Variants in FUT9 observed in about 807,000 individuals in gnomAD.
FUT9 encodes fucosyltransferase 9, also known as 4-galactosyl-N-acetylglucosaminide 3-alpha-L-fucosyltransferase 9.
Under a neutral mutation model 29.7 loss-of-function variants are expected in FUT9, and 15 were observed. That is an observed-to-expected ratio of 0.51 (90% CI 0.34 to 0.78). FUT9 has a LOEUF of 0.78. Among genes scored for constraint, FUT9 ranks in the 30% least tolerant of loss-of-function variants. FUT9 has a pLI of 0.01. For missense variants in FUT9, 319 were observed against 425.4 expected, an observed-to-expected ratio of 0.75 and a Z score of 2.20; for synonymous variants, 169 against 153.7, an observed-to-expected ratio of 1.10 and a Z score of -0.74.
intron 2 of FUT9, among the ~76,000 whole-genome samples, chr6:96,132,297 G>T (rs1481014310): frequency 9.5e-6 from 1 of 105,116 alleles, no homozygotes; most frequent in African/African-American, 3.5e-5. Context: ...AACAAAGGTT[G>T]AAAGAACATA....
intron 1 of FUT9, among the ~76,000 whole-genome samples, chr6:96,032,274 C>T (rs986192980): frequency 6.6e-6 from 1 of 151,624 alleles, no homozygotes; most frequent in African/African-American, 2.4e-5. Context: ...TGCTAGGAAG[C>T]TCAGTGTCAA....
intron 1 of FUT9, among the ~76,000 whole-genome samples, chr6:96,078,421 T>TGA (rs1189037251): frequency 2.0e-5 from 2 of 101,682 alleles, no homozygotes; most frequent in East Asian, 2.9e-4. Context: ...TTTTTTTTTT[T>TGA]TTTTTTTTTT....
rs1266696562 is a variant in FUT9 at position 96,208,187 on chromosome 6, A to G, written c.*3952A>G. The G allele has an allele frequency of 1.2e-5, 2 of 160,918 alleles. No homozygotes were observed. The highest frequency in any genetic ancestry group is 2.2e-4 in the South Asian group (1 of 4,522). The allele number at this position is 160,918 out of a possible 1,614,324, so 10.0% of individuals were successfully genotyped here. On this transcript the variant is annotated 3_prime_UTR_variant, in exon 3 of 3. Coordinates refer to ENST00000302103, the MANE Select transcript of FUT9 (RefSeq NM_006581.4). Reference sequence around the variant, plus strand: ...CCTCCAATTGGAGGTTAAATATTAAAAGAATAGGAAACTATGCCTCTGATA... The same window carrying G: ...CCTCCAATTGGAGGTTAAATATTAAGAGAATAGGAAACTATGCCTCTGATA...
At chr6:96,048,627 ATACT>A (rs1295595744) in intron 1 of FUT9, among the ~76,000 whole-genome samples, 3 of 152,224 alleles carry the variant, frequency 2.0e-5, no homozygotes, top group Admixed American at 6.5e-5. Context: ...AGTTCCTATG[ATACT>A]TAATGCTACA....
At chr6:96,050,035 A>G (rs1296336502) in intron 1 of FUT9, among the ~76,000 whole-genome samples, 3 of 152,162 alleles carry the variant, frequency 2.0e-5, no homozygotes, top group Non-Finnish European at 4.4e-5. Flanking sequence ...CTCACAAGGC[A>G]TCTCGAAGGC....
intron 1 of FUT9, among the ~76,000 whole-genome samples, chr6:96,030,484 G>A (rs907119353): frequency 2.0e-5 from 3 of 151,512 alleles, no homozygotes; most frequent in African/African-American, 4.8e-5. Flanking sequence ...TACCAAGTCC[G>A]AGTGAAAATG....
intron 1 of FUT9, among the ~76,000 whole-genome samples, chr6:96,081,930 A>C (rs72927938): frequency 0.042 from 6,429 of 151,868 alleles, 192 homozygotes; most frequent in South Asian, 0.12. Flanking sequence ...AATGCAGTTG[A>C]GCAATTTTTC....
chr6:96,032,358 G>T (rs1302585996), intron 1 of FUT9, among the ~76,000 whole-genome samples: 4 of 151,010 alleles, frequency 2.6e-5, no homozygotes, highest in Non-Finnish European at 5.9e-5. Context: ...TATGAATGTT[G>T]TTGTTTAATT....
chr6:96,102,875 T>C (rs1771611550), intron 1 of FUT9, among the ~76,000 whole-genome samples: 1 of 152,168 alleles, frequency 6.6e-6, no homozygotes, highest in Admixed American at 6.5e-5. Context: ...CTCTCATGCA[T>C]CATGCTACAC....
In FUT9 at chr6:96,208,899, A is replaced by ATT. The variant is rs5878427; in HGVS notation, c.*4673_*4674dup. ...GTATTGCAATCAGTCAATTAAGGTG[A>ATT]TTTTTTTTTTCTGGATGTCTCAATC... On this transcript the variant is annotated 3_prime_UTR_variant, in exon 3 of 3. Transcript: ENST00000302103. 2.2e-3 allele frequency: 343 copies of ATT among 158,496 alleles called. No homozygotes were observed. Among genetic ancestry groups the ATT allele is most frequent in the South Asian group, 8.5e-4 (4 of 4,724 alleles). 9.8% of individuals were successfully genotyped at this position (158,496 alleles called of 1,614,324 possible).
Position 96,214,044 on chromosome 6 carries a change from T to C in FUT9, c.*9809T>C, listed in dbSNP as rs1773990112. On this transcript the variant is annotated 3_prime_UTR_variant, in exon 3 of 3. Transcript: ENST00000302103. Reference sequence around the variant, plus strand: ...TTTGGTAAAGTGAAAATGTTATTCATAGTGCTAATGAGCCAATAAACAATG... The same window carrying C: ...TTTGGTAAAGTGAAAATGTTATTCACAGTGCTAATGAGCCAATAAACAATG... 1 of 166,958 alleles carries C rather than the reference T, an allele frequency of 6.0e-6. No homozygotes were observed. The highest frequency in any genetic ancestry group is 6.6e-5 in the Admixed American group (1 of 15,254). 10.3% of individuals were successfully genotyped at this position (166,958 alleles called of 1,614,324 possible). A position where few individuals can be genotyped will look rare whatever the true frequency, so the allele number is the denominator to read the frequency against.
intron 2 of FUT9, among the ~76,000 whole-genome samples, chr6:96,160,758 T>C (rs774837903): frequency 2.6e-5 from 4 of 152,178 alleles, no homozygotes; most frequent in Non-Finnish European, 5.9e-5. Flanking sequence ...TGCAGATCTA[T>C]GTATGAATTA....
intron 2 of FUT9, among the ~76,000 whole-genome samples, chr6:96,198,104 T>C (rs1773659352): frequency 6.9e-6 from 1 of 145,536 alleles, no homozygotes; most frequent in Non-Finnish European, 1.5e-5. Context: ...TAGAGTGTTC[T>C]TTTTTTTTCC....
chr6:96,051,687 A>T (rs1323930335), intron 1 of FUT9, among the ~76,000 whole-genome samples: 1 of 152,110 alleles, frequency 6.6e-6, no homozygotes. Context: ...ACTATAAAAT[A>T]ATAGTAAAAT....
intron 2 of FUT9, among the ~76,000 whole-genome samples, chr6:96,118,365 A>G (rs1161054051): frequency 6.6e-6 from 1 of 152,164 alleles, no homozygotes; most frequent in Admixed American, 6.5e-5. Context: ...ATAACATTGC[A>G]GGCAATGATT....
rs1274954776 is a variant in FUT9 at position 96,214,672 on chromosome 6, A to G, written c.*10437A>G. 1 of 166,888 alleles carries G rather than the reference A, an allele frequency of 6.0e-6. No individual in the cohort carries two copies. The highest frequency in any genetic ancestry group is 1.9e-4 in the East Asian group (1 of 5,198). The allele number at this position is 166,888 out of a possible 1,614,324, so 10.3% of individuals were successfully genotyped here. A position where few individuals can be genotyped will look rare whatever the true frequency, so the allele number is the denominator to read the frequency against. ...AACAGGTAATATGTGTGGATCAATCATCTCTCCTCCCATGAAATTAATCAT... is the reference window on the plus strand; with the variant it reads ...AACAGGTAATATGTGTGGATCAATCGTCTCTCCTCCCATGAAATTAATCAT... On this transcript the variant is annotated 3_prime_UTR_variant, in exon 3 of 3. Transcript: ENST00000302103.
chr6:96,180,942 A>AG (rs1773295662), intron 2 of FUT9, among the ~76,000 whole-genome samples: 4 of 151,516 alleles, frequency 2.6e-5, no homozygotes, highest in Admixed American at 2.6e-4. Flanking sequence ...AAAGAAAAAA[A>AG]AAAGAAAAGC....
At chr6:96,157,128 C>T (rs1363665378) in intron 2 of FUT9, among the ~76,000 whole-genome samples, 1 of 152,146 alleles carries the variant, frequency 6.6e-6, no homozygotes, top group Admixed American at 6.5e-5. Flanking sequence ...CTATGACTGG[C>T]TAAAAAGGCT....
At chr6:96,119,396 C>G (rs1771977010) in intron 2 of FUT9, among the ~76,000 whole-genome samples, 1 of 152,174 alleles carries the variant, frequency 6.6e-6, no homozygotes, top group African/African-American at 2.4e-5. Flanking sequence ...AAGTGTGTAG[C>G]AGGCAATACC....
Sources: gnomAD v4.1 joint callset for allele counts (sites outside exome capture counted in the v4.1 genomes callset) on GRCh38, gnomAD v4.1.1 for gene constraint, MANE v1.5 for transcripts, NCBI Gene and HGNC (gene_info 2026-07-23, HGNC 2026-07-21) for gene names.